CUX2: variants seen among roughly 807,000 people sequenced by gnomAD.
CUX2 encodes homeobox protein cut-like 2.
In CUX2, 40 loss-of-function variants were observed where a neutral mutation model predicts 144.8. The observed-to-expected ratio is 0.28, with a 90% CI of 0.21 to 0.36. The LOEUF is 0.36. Ranked by LOEUF, CUX2 falls within the 10% of genes least tolerant of loss-of-function variation. The probability of loss-of-function intolerance (pLI) is 1.00; values close to 1 mark genes in which losing one functional copy is unlikely to be tolerated. For missense variants in CUX2, 1,615 were observed against 1,994.0 expected (o/e 0.81, Z 3.62); for synonymous variants, 827 against 875.6 (o/e 0.94, Z 0.98).
At chr12:111,204,790 C>T (rs2136213775) in intron 1 of CUX2, among the ~76,000 whole-genome samples, 1 of 152,312 alleles carries the variant, frequency 6.6e-6, no homozygotes, top group African/African-American at 2.4e-5. Flanking sequence ...ACCTAGTCGA[C>T]AGCCAGCCCT....
chr12:111,075,000 T>G (rs1871447080), intron 1 of CUX2, among the ~76,000 whole-genome samples: 1 of 152,148 alleles, frequency 6.6e-6, no homozygotes, highest in Admixed American at 6.5e-5. Context: ...TCTGGGTTCA[T>G]TCATCCAGTC....
chr12:111,125,423 C>A (rs1413345656), intron 1 of CUX2, among the ~76,000 whole-genome samples: 1 of 152,194 alleles, frequency 6.6e-6, no homozygotes, highest in Non-Finnish European at 1.5e-5. Flanking sequence ...AGGTGATCTG[C>A]CCTCCTCGGC....
rs1337153438 is a variant in CUX2 at position 111,320,438 on chromosome 12, C to T, written c.2429C>T (p.Ser810Phe). 7 of 1,596,536 alleles carry T rather than the reference C, an allele frequency of 4.4e-6. No homozygotes were observed. The highest frequency in any genetic ancestry group is 1.1e-5 in the South Asian group (1 of 91,032). Residue 810 changes from serine (S) to phenylalanine (F), a missense_variant, in exon 17 of 22, where the codon TCC (serine) becomes TTC (phenylalanine). Ser to Phe is a radical substitution (Grantham distance 155). Transcript: ENST00000261726. This position sits in a 1 kb window ranked among gnomAD's most constrained non-coding sequence, Gnocchi z 8.1. ...YASVSPSLSS[S>F]SSSGYSGQPN... is the part of the protein sequence containing the mutation. ...TCCGTGTCGCCCTCGCTGTCCTCCT[C>T]CTCCTCCTCTGGCTACTCTGGCCAG... is the stretch of plus-strand genomic sequence containing the variant.
chr12:111,236,679 A>C (rs1244958348), intron 3 of CUX2, among the ~76,000 whole-genome samples: 1 of 152,260 alleles, frequency 6.6e-6, no homozygotes, highest in East Asian at 1.9e-4. Flanking sequence ...GAAGACAAGA[A>C]AAAGAAATAA....
rs770415393 is a variant in CUX2 at position 111,291,437 on chromosome 12, G to A, written c.321G>A (p.Glu107=). 1.2e-5 allele frequency: 19 copies of A among 1,611,318 alleles called. No homozygotes were observed. The South Asian group carries it at 1.6e-4, about 13-fold the overall frequency. The change falls in exon 5 of 22, where the codon GAG becomes GAA. Residue 107 remains glutamate (E), a synonymous_variant. Transcript: ENST00000261726. The part of the protein sequence containing the change: ...IEAPDPVPVF[E]AARSLDDRLQ... ...GCACAGACCCCGTGCCTGTGTTTGA[G>A]GCGGCACGCAGCCTAGACGACAGAC...
intron 1 of CUX2, among the ~76,000 whole-genome samples, chr12:111,086,594 T>G (rs1282954779): frequency 6.6e-6 from 1 of 152,194 alleles, no homozygotes; most frequent in Non-Finnish European, 1.5e-5. Flanking sequence ...AGAAGGCTCC[T>G]CTTTTAGGAC....
At chr12:111,085,112 C>A (rs1056268420) in intron 1 of CUX2, among the ~76,000 whole-genome samples, 3 of 152,082 alleles carry the variant, frequency 2.0e-5, no homozygotes, top group African/African-American at 7.2e-5. Flanking sequence ...AAATGAACAT[C>A]ATGATGATAA....
intron 4 of CUX2, among the ~76,000 whole-genome samples, chr12:111,281,682 AC>A (rs1185388076): frequency 6.6e-5 from 10 of 152,224 alleles, no homozygotes; most frequent in Non-Finnish European, 1.3e-4. Flanking sequence ...AGCACCAGTC[AC>A]AGATTTCATA....
chr12:111,348,231 A>G lies in CUX2; in HGVS notation c.4367A>G (p.Gln1456Arg), dbSNP rs1433965387. ...HPSAKVNPNL[Q>R]RRHEKMANLN... ...AGTGCCAAGGTGAACCCCAACTTGC[A>G]GCGGCGGCATGAGAAGATGGCCAAT... The change falls in exon 22 of 22, where the codon CAG becomes CGG. Residue 1456 changes from glutamine (Q) to arginine (R), a missense_variant. By Grantham distance (43) the Gln-to-Arg change is conservative. Around this residue, in one of 12 missense-constraint regions of CUX2, gnomAD observed 298 missense variants for 330.4 expected, o/e 0.90. Coordinates refer to ENST00000261726, the MANE Select transcript of CUX2 (RefSeq NM_015267.4). 1.2e-6 allele frequency: 2 copies of G among 1,613,868 alleles called. No homozygotes were observed. The highest frequency in any genetic ancestry group is 2.2e-5 in the East Asian group (1 of 44,886).
intron 1 of CUX2, among the ~76,000 whole-genome samples, chr12:111,108,420 G>A (rs369455378): frequency 3.4e-4 from 51 of 152,202 alleles, no homozygotes; most frequent in African/African-American, 1.1e-3. Flanking sequence ...AGCATGCATC[G>A]ATGCTTCTTG....
chr12:111,310,482 T>A lies in CUX2; in HGVS notation c.1700T>A (p.Leu567Gln). 6.2e-7 allele frequency: 1 copy of A among 1,613,900 alleles called. No homozygotes were observed. The highest frequency in any genetic ancestry group is 1.1e-5 in the South Asian group (1 of 91,088). The stretch of plus-strand genomic sequence containing the variant: ...GCCTTCCAGGTGAAGGAGCAGCTGC[T>A]GAAACACAACATCGGGCAGCGGGTG... ...EIAFQVKEQLLKHNIGQRVFG... is the reference protein window; with the variant it reads ...EIAFQVKEQLQKHNIGQRVFG... Residue 567 changes from leucine (L) to glutamine (Q), a missense_variant, in exon 15 of 22, where the codon CTG becomes CAG. Transcript: ENST00000261726. This position sits in a 1 kb window ranked among gnomAD's most constrained non-coding sequence, Gnocchi z 7.9.
chr12:111,204,491 C>T (rs571699131), intron 1 of CUX2, among the ~76,000 whole-genome samples: 1 of 152,318 alleles, frequency 6.6e-6, no homozygotes, highest in East Asian at 1.9e-4. Flanking sequence ...TGCTCCTGGT[C>T]TTCAGGCCAC....
chr12:111,119,818 G>A (rs1443449455), intron 1 of CUX2, among the ~76,000 whole-genome samples: 1 of 152,212 alleles, frequency 6.6e-6, no homozygotes, highest in Non-Finnish European at 1.5e-5. Context: ...AACACTTTGG[G>A]GGGCCAAGGC....
chr12:111,123,472 C>T (rs1267515152), intron 1 of CUX2, among the ~76,000 whole-genome samples: 5 of 151,992 alleles, frequency 3.3e-5, no homozygotes, highest in Non-Finnish European at 7.4e-5. Flanking sequence ...GCATGAGCCA[C>T]CACGCCCAGC....
At position 111,214,214 on chromosome 12, in the gene CUX2, C is replaced by G; in HGVS notation, c.78C>G (p.Ser26=). Residue 26 remains serine (S), a synonymous_variant, in exon 2 of 22, where the codon TCC becomes TCG. Transcript: ENST00000261726. ...TATTGTTCCAGAAGGAGCTTAATTC[C>G]GTCGCTTCTGAGCTGTCTGCACGGC... ...DLRRLQKELN[S]VASELSARQE... is the part of the protein sequence containing the mutation. 6.5e-7 allele frequency: 1 copy of G among 1,539,466 alleles called. No individual in the cohort carries two copies. The highest frequency in any genetic ancestry group is 8.7e-7 in the Non-Finnish European group (1 of 1,145,550).
At chr12:111,329,326 C>T (rs1255079011) in intron 18 of CUX2, among the ~76,000 whole-genome samples, 1 of 151,690 alleles carries the variant, frequency 6.6e-6, no homozygotes, top group African/African-American at 2.4e-5. Context: ...CCTGTCGTCG[C>T]CTCCCTCTCC....
intron 19 of CUX2, among the ~76,000 whole-genome samples, chr12:111,337,877 AT>A (rs1189940326): frequency 1.3e-5 from 2 of 152,068 alleles, no homozygotes; most frequent in African/African-American, 2.4e-5. Context: ...TCTACTAAAA[AT>A]ACAAAAATTA....
chr12:111,303,221 GAAAAAAAAAAAA>G (rs5800927), intron 9 of CUX2, among the ~76,000 whole-genome samples: 11 of 49,390 alleles, frequency 2.2e-4, no homozygotes, highest in East Asian at 7.5e-4. Context: ...ACCCTGTCTC[GAAAAAAAAAAAA>G]AAAAAAAAAA....
At chr12:111,345,138 GT>G (rs897010501) in intron 21 of CUX2, among the ~76,000 whole-genome samples, 1 of 151,038 alleles carries the variant, frequency 6.6e-6, no homozygotes, top group African/African-American at 2.4e-5. Flanking sequence ...TAAAAAAATG[GT>G]TTTGCCATTA....
Sources: allele counts gnomAD v4.1 joint callset (sites outside exome capture counted in the v4.1 genomes callset), GRCh38; gene constraint gnomAD v4.1.1; regional missense constraint gnomAD v4.1.1; non-coding constraint Gnocchi (gnomAD v3.1); transcripts MANE v1.5; gene names NCBI Gene and HGNC (gene_info 2026-07-23, HGNC 2026-07-21).